Variants in MLXIPL observed in about 807,000 individuals in gnomAD.
MLXIPL encodes MLX interacting protein like.
MLXIPL carries 49 observed loss-of-function variants against 81.5 expected under a neutral mutation model. The observed-to-expected ratio is 0.60, with a 90% CI of 0.48 to 0.76. The LOEUF is 0.76. MLXIPL is among the 30% of genes least tolerant of loss of function. The probability of loss-of-function intolerance (pLI) is 0.00; values close to 1 mark genes in which losing one functional copy is unlikely to be tolerated. For missense variants in MLXIPL, 1,053 were observed against 1,167.0 expected, an observed-to-expected ratio of 0.90 and a Z score of 1.42; for synonymous variants, 466 against 485.5, an observed-to-expected ratio of 0.96 and a Z score of 0.53.
the MLXIPL span, among the ~76,000 whole-genome samples, chr7:73,644,615 T>A: frequency 6.6e-6 from 1 of 152,160 alleles, no homozygotes; most frequent in African/African-American, 2.4e-5. Flanking sequence ...CTGGTAAATG[T>A]GGGTTTTCTT....
At position 73,605,778 on chromosome 7, in the gene MLXIPL, G is replaced by C; in HGVS notation, c.821-10C>G. On this transcript the variant is annotated splice_polypyrimidine_tract_variant and intron_variant, in intron 6 of 16. Transcript: ENST00000313375. ...GCATTGCCGACGTAGGCTGGAGGCA[G>C]CAGTGGCGACATCAGCAGCAGCAGG... 2 of 1,612,428 alleles carry C rather than the reference G, an allele frequency of 1.2e-6. No individual in the cohort carries two copies. Among genetic ancestry groups the C allele is most frequent in the Non-Finnish European group, 1.7e-6 (2 of 1,179,340 alleles).
At chr7:73,594,120 G>T in intron 16 of MLXIPL, 137 bp from the exon 17 acceptor site, 1 of 1,394,448 alleles carries the variant, frequency 7.2e-7, no homozygotes, top group Non-Finnish European at 1.0e-6. Flanking sequence ...GTCTACAGGC[G>T]TCTGGTGGCC....
intron 9 of MLXIPL, 35 bp downstream of exon 9, chr7:73,597,147 C>G (rs1034517510): frequency 6.4e-7 from 1 of 1,564,076 alleles, no homozygotes; most frequent in Admixed American, 1.8e-5. Flanking sequence ...TGGCCTCCCT[C>G]CCCAGGCTTT....
At chr7:73,628,269 T>A (rs1310855856), upstream of MLXIPL, among the ~76,000 whole-genome samples, 1 of 151,816 alleles carries the variant, frequency 6.6e-6, no homozygotes, top group East Asian at 2.0e-4. Flanking sequence ...CTGAGCTGGA[T>A]CTGAGCGGGT....
At chr7:73,609,056 G>A (rs1795513766) in intron 2 of MLXIPL, among the ~76,000 whole-genome samples, 1 of 151,904 alleles carries the variant, frequency 6.6e-6, no homozygotes, top group Admixed American at 6.6e-5. Context: ...GAATCCTCTT[G>A]TCTTGGCCTC....
the MLXIPL span, among the ~76,000 whole-genome samples, chr7:73,640,402 CAAAA>C: frequency 1.2e-5 from 1 of 82,252 alleles, no homozygotes; most frequent in Non-Finnish European, 2.6e-5. Context: ...ACCCTGTCTC[CAAAA>C]AAAAAAAAAG....
At chr7:73,603,981 C>T (rs967445736) in intron 7 of MLXIPL, among the ~76,000 whole-genome samples, 18 of 151,412 alleles carry the variant, frequency 1.2e-4, no homozygotes, top group African/African-American at 4.1e-4. Context: ...TTTGGGAGTC[C>T]GAGGTGGGAG....
At chr7:73,636,789 C>A in the MLXIPL span, among the ~76,000 whole-genome samples, 1 of 152,144 alleles carries the variant, frequency 6.6e-6, no homozygotes, top group African/African-American at 2.4e-5. Flanking sequence ...AGGTTGGGCA[C>A]GGTGGCTCAC....
chr7:73,603,860 G>A (rs781966988), intron 7 of MLXIPL, among the ~76,000 whole-genome samples: 29 of 152,186 alleles, frequency 1.9e-4, no homozygotes, highest in Non-Finnish European at 3.7e-4. Context: ...AGGACACTGA[G>A]GAATCAGTAA....
At chr7:73,642,707 T>G in the MLXIPL span, among the ~76,000 whole-genome samples, 1 of 152,070 alleles carries the variant, frequency 6.6e-6, no homozygotes, top group Non-Finnish European at 1.5e-5. Flanking sequence ...TGTTGCCCAG[T>G]CTGGTCTTGA....
chr7:73,643,879 G>A, the MLXIPL span, among the ~76,000 whole-genome samples: 608 of 152,108 alleles, frequency 4.0e-3, 4 homozygotes, highest in African/African-American at 0.013. Context: ...TGATCCTCCC[G>A]CCTCAGCCTC....
the MLXIPL span, among the ~76,000 whole-genome samples, chr7:73,637,997 T>C: frequency 9.9e-5 from 15 of 152,262 alleles, no homozygotes; most frequent in African/African-American, 3.6e-4. Context: ...CTTCTCTATG[T>C]TCTTCCTACC....
At chr7:73,603,931 T>C (rs1253289073) in intron 7 of MLXIPL, among the ~76,000 whole-genome samples, 2 of 152,020 alleles carry the variant, frequency 1.3e-5, no homozygotes, top group African/African-American at 4.8e-5. Context: ...AAAAATTGCT[T>C]TAGGCCAGAC....
Position 73,593,888 on chromosome 7 carries a change from C to T in MLXIPL, c.2536G>A (p.Gly846Ser). ...PEQATRAVTE[G>S]TLGKPL ...GACTATAAAGGTTTGCCAAGGGTGC[C>T]CTCTGTGACTGCCCGTGTGGCTTGC... Residue 846 changes from glycine (G) to serine (S), a missense_variant, in exon 17 of 17, where the codon GGC becomes AGC. Around this residue, in one of 3 missense-constraint regions of MLXIPL, gnomAD observed 823 missense variants for 933.0 expected, o/e 0.88. Coordinates refer to ENST00000313375, the MANE Select transcript of MLXIPL (RefSeq NM_032951.3). 6.2e-7 allele frequency: 1 copy of T among 1,614,062 alleles called. No homozygotes were observed. The highest frequency in any genetic ancestry group is 8.5e-7 in the Non-Finnish European group (1 of 1,179,976).
chr7:73,604,826 G>A (rs530895726), intron 7 of MLXIPL, among the ~76,000 whole-genome samples: 4 of 152,024 alleles, frequency 2.6e-5, no homozygotes, highest in South Asian at 2.1e-4. Flanking sequence ...GTGCAGTGGC[G>A]CGATCTCGGC....
At chr7:73,635,644 A>G in the MLXIPL span, among the ~76,000 whole-genome samples, 1 of 150,064 alleles carries the variant, frequency 6.7e-6, no homozygotes. Context: ...CTCTTTTTCC[A>G]TCAATCCATC....
In MLXIPL at chr7:73,593,495, T is replaced by C. The variant is rs529275203; in HGVS notation, c.*370A>G. 5 of 317,252 alleles carry C rather than the reference T, an allele frequency of 1.6e-5. No individual in the cohort carries two copies. The highest frequency in any genetic ancestry group is 1.1e-4 in the African/African-American group (5 of 46,546). The allele number at this position is 317,252 out of a possible 1,614,324, so 19.7% of individuals were successfully genotyped here. A position where few individuals can be genotyped will look rare whatever the true frequency, so the allele number is the denominator to read the frequency against. The stretch of plus-strand genomic sequence containing the variant: ...GACAGAGAAACAGCATCCTCCTCTT[T>C]CCACCGTTGAGCCCCCGGAGTTGCC... On this transcript the variant is annotated 3_prime_UTR_variant, in exon 17 of 17. Coordinates refer to ENST00000313375, the MANE Select transcript of MLXIPL (RefSeq NM_032951.3).
At chr7:73,600,905 G>A (rs1376117568) in intron 7 of MLXIPL, among the ~76,000 whole-genome samples, 1 of 152,030 alleles carries the variant, frequency 6.6e-6, no homozygotes, top group South Asian at 2.1e-4. Context: ...GGGCCTGGGC[G>A]CCGCCCGCCC....
At chr7:73,605,852 G>A in intron 6 of MLXIPL, 58 bp downstream of exon 6, 2 of 1,570,656 alleles carry the variant, frequency 1.3e-6, no homozygotes, top group Non-Finnish European at 1.7e-6. Flanking sequence ...CCCTCCCTTG[G>A]CCTCCTGGAA....
Sources: allele counts gnomAD v4.1 joint callset (sites outside exome capture counted in the v4.1 genomes callset), GRCh38; gene constraint gnomAD v4.1.1; regional missense constraint gnomAD v4.1.1; transcripts MANE v1.5; gene names NCBI Gene and HGNC (gene_info 2026-07-23, HGNC 2026-07-21).